The following ST3GAL3 variants were observed in gnomAD, a reference collection of about 807,000 sequenced individuals.
ST3GAL3 encodes the protein CMP-N-acetylneuraminate-beta-1,4-galactoside alpha-2,3-sialyltransferase.
A neutral mutation model predicts 50.1 loss-of-function variants in ST3GAL3; 21 were observed. The ratio of observed to expected loss-of-function variants is 0.42; its 90% CI spans 0.30 to 0.60. The LOEUF (loss-of-function observed/expected upper bound fraction) is 0.60. ST3GAL3 is among the 20% of genes least tolerant of loss of function. ST3GAL3 has a pLI of 0.19. For missense variants in ST3GAL3, 353 were observed against 489.4 expected (o/e 0.72, Z 2.63); for synonymous variants, 183 against 190.0 (o/e 0.96, Z 0.30).
At chr1:43,720,863 A>G (rs1670071753) in intron 1 of ST3GAL3, among the ~76,000 whole-genome samples, 1 of 152,214 alleles carries the variant, frequency 6.6e-6, no homozygotes, top group Non-Finnish European at 1.5e-5. Context: ...CAAAAAGTAG[A>G]AACAACCCAG....
At chr1:43,738,622 G>A (rs1050537678) in intron 2 of ST3GAL3, 2 of 151,710 alleles carry the variant, frequency 1.3e-5, no homozygotes, top group Admixed American at 6.6e-5. Flanking sequence ...TCAACCTCTC[G>A]AAGTAGCCGG....
chr1:43,765,167 G>T (rs942737141), intron 2 of ST3GAL3, among the ~76,000 whole-genome samples: 6 of 152,084 alleles, frequency 3.9e-5, no homozygotes, highest in African/African-American at 1.2e-4. Context: ...TGGTGGGGAG[G>T]AATTCTGCTC....
At position 43,899,485 on chromosome 1, in the gene ST3GAL3, G is replaced by T; in HGVS notation, c.558-56G>T. The T allele has an allele frequency of 6.2e-7, 1 of 1,604,972 alleles. No individual in the cohort carries two copies. Among genetic ancestry groups the T allele is most frequent in the Non-Finnish European group, 8.5e-7 (1 of 1,178,406 alleles). On this transcript the variant is annotated intron_variant, in intron 8 of 11. Coordinates refer to ENST00000347631, the MANE Select transcript of ST3GAL3 (RefSeq NM_006279.5). The surrounding 1 kb of genome is among the most constrained non-coding windows in gnomAD (Gnocchi z 5.4). ...TTCTCCATGCCTGGGATAGTCTGGG[G>T]TCATGGTGCCTTCCCAAACACAGGC...
intron 5 of ST3GAL3, among the ~76,000 whole-genome samples, chr1:43,866,681 C>G (rs943802753): frequency 6.6e-5 from 10 of 151,890 alleles, no homozygotes; most frequent in African/African-American, 2.4e-4. Flanking sequence ...GAACATGATG[C>G]ACATAAGGAC....
chr1:43,881,650 C>G (rs1188953196), intron 5 of ST3GAL3, among the ~76,000 whole-genome samples: 1 of 152,220 alleles, frequency 6.6e-6, no homozygotes, highest in Non-Finnish European at 1.5e-5. Context: ...CTGGCTCAGC[C>G]TCTCCTCTCC....
intron 2 of ST3GAL3, chr1:43,772,237 G>A (rs1695541826): frequency 2.6e-6 from 1 of 380,002 alleles, no homozygotes; most frequent in Admixed American, 4.5e-5. Flanking sequence ...TAGTAGAGAT[G>A]GGGTTTCTCC....
chr1:43,710,084 A>G (rs1557949067), intron 1 of ST3GAL3, among the ~76,000 whole-genome samples: 1 of 151,708 alleles, frequency 6.6e-6, no homozygotes, highest in Admixed American at 6.6e-5. Context: ...TGTTTCTGGC[A>G]TCTGCTTCTA....
chr1:43,838,114 C>CAAAAAAAAAAAAAAAAAAAAAAAAAAAA, intron 4 of ST3GAL3, 105 bp from the exon 5 acceptor site: 1 of 245,578 alleles, frequency 4.1e-6, no homozygotes, highest in Non-Finnish European at 7.2e-6. Flanking sequence ...GACTCCGTCT[C>CAAAAAAAAAAAAAAAAAAAAAAAAAAAA]AAAAAAAAAA....
At chr1:43,731,201 T>C (rs981115461) in intron 1 of ST3GAL3, among the ~76,000 whole-genome samples, 8 of 151,836 alleles carry the variant, frequency 5.3e-5, no homozygotes, top group Non-Finnish European at 1.0e-4. Flanking sequence ...CCACCATGCC[T>C]GAATAATATT....
intron 2 of ST3GAL3, among the ~76,000 whole-genome samples, chr1:43,779,296 A>G (rs1698553277): frequency 6.6e-6 from 1 of 152,190 alleles, no homozygotes; most frequent in African/African-American, 2.4e-5. Context: ...ATATGCTGTA[A>G]TAATTAAGGA....
At position 43,894,649 on chromosome 1, in the gene ST3GAL3, T is replaced by G. The variant is rs72888761; in HGVS notation, c.397+172T>G. 0.054 allele frequency among the ~76,000 whole-genome samples: 8,179 copies of G among 151,878 alleles called. 670 individuals carry two copies. The highest frequency in any genetic ancestry group is 0.18 in the African/African-American group (7,443 of 41,378). The stretch of plus-strand genomic sequence containing the variant: ...CCTTTTTTTGTTTGTTTGTTTGTTT[T>G]TTTTTTTTGAGATAGATCCTTGCTC... On this transcript the variant is annotated intron_variant, in intron 6 of 11. Transcript: ENST00000347631.
At chr1:43,920,977 G>T (rs763326804) in intron 11 of ST3GAL3, 49 bp downstream of exon 11, 5 of 1,555,228 alleles carry the variant, frequency 3.2e-6, no homozygotes, top group Non-Finnish European at 3.5e-6. Context: ...TGAGGGGGAG[G>T]TGCATAAATG....
At chr1:43,783,164 T>G (rs537699243) in intron 2 of ST3GAL3, among the ~76,000 whole-genome samples, 2 of 152,300 alleles carry the variant, frequency 1.3e-5, no homozygotes, top group Non-Finnish European at 2.9e-5. Flanking sequence ...GGAAAAACAG[T>G]GGAGCCCGGA....
intron 2 of ST3GAL3, among the ~76,000 whole-genome samples, chr1:43,790,797 A>T (rs9787240): frequency 4.4e-4 from 64 of 146,476 alleles, no homozygotes; most frequent in African/African-American, 8.5e-4. Flanking sequence ...CGCCCAGCTA[A>T]TTTTTTTTTT....
intron 9 of ST3GAL3, among the ~76,000 whole-genome samples, chr1:43,907,591 G>C (rs1041801458): frequency 1.3e-5 from 2 of 152,108 alleles, no homozygotes; most frequent in African/African-American, 4.8e-5. Context: ...AGAACTCTCG[G>C]CTTCCTGCTT....
At chr1:43,843,912 T>G (rs990143955) in intron 5 of ST3GAL3, among the ~76,000 whole-genome samples, 3 of 152,236 alleles carry the variant, frequency 2.0e-5, no homozygotes, top group African/African-American at 7.2e-5. Flanking sequence ...TATACCTCAC[T>G]TCAGATGCTA....
chr1:43,720,209 G>A (rs918580296), intron 1 of ST3GAL3, among the ~76,000 whole-genome samples: 24 of 152,096 alleles, frequency 1.6e-4, no homozygotes, highest in Admixed American at 4.6e-4. Flanking sequence ...AGCCTGGACC[G>A]CAGAGTGATA....
At chr1:43,879,345 C>T (rs372461291) in intron 5 of ST3GAL3, 18 of 456,076 alleles carry the variant, frequency 3.9e-5, no homozygotes, top group Admixed American at 2.6e-4. Flanking sequence ...TGAGAAGGTT[C>T]GAACCTTCAT....
intron 3 of ST3GAL3, among the ~76,000 whole-genome samples, chr1:43,807,016 A>G (rs568873716): frequency 6.6e-6 from 1 of 152,342 alleles, no homozygotes; most frequent in African/African-American, 2.4e-5. Context: ...ATAAAGAGAA[A>G]GATATGTTCA....
Sources: allele counts gnomAD v4.1 joint callset (sites outside exome capture counted in the v4.1 genomes callset), GRCh38; gene constraint gnomAD v4.1.1; non-coding constraint Gnocchi (gnomAD v3.1); transcripts MANE v1.5; gene names NCBI Gene and HGNC (gene_info 2026-07-23, HGNC 2026-07-21).